The following PRR14L variants were observed in gnomAD, a reference collection of about 807,000 sequenced individuals.
PRR14L encodes the protein proline rich 14 like.
Under a neutral mutation model 155.0 loss-of-function variants are expected in PRR14L, and 80 were observed. The ratio of observed to expected loss-of-function variants is 0.52; its 90% confidence interval spans 0.43 to 0.62. The LOEUF (loss-of-function observed/expected upper bound fraction) is 0.62. Among genes scored for constraint, PRR14L ranks in the 20% least tolerant of loss-of-function variants. PRR14L has a pLI of 0.00. For synonymous variants in PRR14L, 883 were observed against 916.0 expected (o/e 0.96, Z 0.65); for missense variants, 2,469 against 2,548.0 (o/e 0.97, Z 0.67).
At position 31,684,524 on chromosome 22, in the gene PRR14L, A is replaced by G. The variant is rs1434060137; in HGVS notation, c.*1003T>C. 2.6e-5 allele frequency: 4 copies of G among 152,196 alleles called. No individual in the cohort carries two copies. Among genetic ancestry groups the G allele is most frequent in the Admixed American group, 1.3e-4 (2 of 15,268 alleles). 9.4% of individuals were successfully genotyped at this position (152,196 alleles called of 1,614,324 possible). A position where few individuals can be genotyped will look rare whatever the true frequency, so the allele number is the denominator to read the frequency against. On this transcript the variant is annotated 3_prime_UTR_variant, in exon 9 of 9. Coordinates refer to ENST00000327423, the MANE Select transcript of PRR14L (RefSeq NM_173566.3). ...CCATAGTAGTTTTTCAATGATCGGG[A>G]GAGAAACCTGCTCTTACTTAAATCA...
At position 31,716,796 on chromosome 22, in the gene PRR14L, T is replaced by C; in HGVS notation, c.1043A>G (p.Asp348Gly). The change falls in exon 4 of 9, where the codon GAC becomes GGC. Residue 348 changes from aspartate (D) to glycine (G), a missense_variant. Asp to Gly is a moderately conservative substitution (Grantham distance 94). Coordinates refer to ENST00000327423, the MANE Select transcript of PRR14L (RefSeq NM_173566.3). ...ENSEVSCFTS[D>G]LSGPESRTIS... ...TGTTCTGGATTCTGGACCAGACAAG[T>C]CTGATGTGAAACATGAAACTTCAGA... The C allele has an allele frequency of 6.4e-7, 1 of 1,551,876 alleles. No individual in the cohort carries two copies. The highest frequency in any genetic ancestry group is 8.7e-7 in the Non-Finnish European group (1 of 1,147,032).
chr22:31,712,779 G>T lies in PRR14L; in HGVS notation c.5060C>A (p.Pro1687His). 3.9e-6 allele frequency: 6 copies of T among 1,551,952 alleles called. No individual in the cohort carries two copies. The highest frequency in any genetic ancestry group is 3.5e-6 in the Non-Finnish European group (4 of 1,147,040). ...SGWDKRPNSK[P>H]MALYSLESIK... ...GGATTCGAGAGAATAAAGTGCCATG[G>T]GCTTACTGTTAGGCCTCTTATCCCA... The change falls in exon 4 of 9, where the codon CCC (proline) becomes CAC (histidine). Residue 1687 changes from proline to histidine, a missense_variant. Transcript: ENST00000327423.
At chr22:31,725,994 T>G (rs561585874) in intron 2 of PRR14L, among the ~76,000 whole-genome samples, 281 of 152,124 alleles carry the variant, frequency 1.8e-3, no homozygotes, top group Non-Finnish European at 3.2e-3. Context: ...TTGAGAGACT[T>G]CTTTATGACT....
At chr22:31,727,530 CG>C (rs1193952467) in intron 2 of PRR14L, among the ~76,000 whole-genome samples, 3 of 151,926 alleles carry the variant, frequency 2.0e-5, no homozygotes, top group African/African-American at 7.3e-5. Context: ...CCACCATGCG[CG>C]GCTGATTAGC....
In PRR14L at chr22:31,712,594, A is replaced by C. The variant is rs1454949106; in HGVS notation, c.5245T>G (p.Leu1749Val). 8.4e-6 allele frequency: 13 copies of C among 1,551,602 alleles called. No homozygotes were observed. The Admixed American group carries it at 2.6e-4, about 30-fold the overall frequency. Reference sequence around the variant, plus strand: ...GACGGGCACTGGAGGGCCTCTCCTAAGGCAAGCCTTGCCGGAGCACAGTGC... The same window carrying C: ...GACGGGCACTGGAGGGCCTCTCCTACGGCAAGCCTTGCCGGAGCACAGTGC... Reference protein sequence around the residue: ...PEHCAPARLALGEALQCPSQP... With the variant: ...PEHCAPARLAVGEALQCPSQP... Residue 1749 changes from leucine (L) to valine (V), a missense_variant, in exon 4 of 9, where the codon TTA becomes GTA. Coordinates refer to ENST00000327423, the MANE Select transcript of PRR14L (RefSeq NM_173566.3).
At chr22:31,705,663 C>T (rs62240685) in intron 4 of PRR14L, among the ~76,000 whole-genome samples, 6,609 of 152,090 alleles carry the variant, frequency 0.043, 123 homozygotes, top group Non-Finnish European at 0.05. Flanking sequence ...TGAGCCACCG[C>T]GCCTGGCCCA....
In PRR14L at chr22:31,737,165, G is replaced by T. The variant is rs1019950763; in HGVS notation, c.474+1222C>A. Among the ~76,000 whole-genome samples, 18 of 151,990 alleles carry T rather than the reference G, an allele frequency of 1.2e-4. 1 individual carries two copies. The highest frequency in any genetic ancestry group is 1.1e-3 in the Admixed American group (17 of 15,220). On this transcript the variant is annotated intron_variant, in intron 2 of 8. Transcript: ENST00000327423. The stretch of plus-strand genomic sequence containing the variant: ...ACCACCCTGTGGAGAGAGTCCGCTG[G>T]ACAGGTACATTCCTTTAAGAATTTG...
chr22:31,697,234 G>A (rs906970921), intron 7 of PRR14L, among the ~76,000 whole-genome samples: 1 of 151,434 alleles, frequency 6.6e-6, no homozygotes, highest in Non-Finnish European at 1.5e-5. Context: ...CCCAGGAGGT[G>A]GAGGTTGCAG....
At chr22:31,698,063 T>TA (rs1173198990) in intron 7 of PRR14L, among the ~76,000 whole-genome samples, 1 of 151,584 alleles carries the variant, frequency 6.6e-6, no homozygotes, top group African/African-American at 2.4e-5. Context: ...TGTAATTCTT[T>TA]TTTTTTTTTG....
At chr22:31,736,386 C>CAAA (rs551156311) in intron 2 of PRR14L, among the ~76,000 whole-genome samples, 11 of 75,378 alleles carry the variant, frequency 1.5e-4, no homozygotes, top group Non-Finnish European at 3.0e-4. Flanking sequence ...AACTCTGTCT[C>CAAA]AAAAAAAAAA....
At chr22:31,739,413 G>A (rs1569500948) in intron 1 of PRR14L, among the ~76,000 whole-genome samples, 2 of 152,208 alleles carry the variant, frequency 1.3e-5, no homozygotes, top group South Asian at 4.1e-4. Context: ...AGGGAGGATA[G>A]GGATAAAGTG....
intron 7 of PRR14L, among the ~76,000 whole-genome samples, chr22:31,701,310 C>A (rs1490919965): frequency 6.6e-6 from 1 of 152,114 alleles, no homozygotes; most frequent in Non-Finnish European, 1.5e-5. Context: ...TTAAGAAAAA[C>A]TAAACTTAGG....
At chr22:31,723,577 C>G (rs561941578) in intron 3 of PRR14L, among the ~76,000 whole-genome samples, 1 of 152,264 alleles carries the variant, frequency 6.6e-6, no homozygotes, top group South Asian at 2.1e-4. Flanking sequence ...TAGGGGCCCA[C>G]TAAACTGTAT....
At chr22:31,686,292 T>C (rs1354749411) in intron 8 of PRR14L, among the ~76,000 whole-genome samples, 5 of 148,686 alleles carry the variant, frequency 3.4e-5, no homozygotes, top group Non-Finnish European at 5.9e-5. Flanking sequence ...GTATTTTTAG[T>C]AGAGACAGGG....
Position 31,716,130 on chromosome 22 carries a change from T to G in PRR14L, c.1709A>C (p.Lys570Thr), listed in dbSNP as rs1429028010. ...ASCNDFLFER[K>T]SIVSLMPEDQ... ...CTCTGGCATTAAACTCACAATGGAT[T>G]TTCTTTCAAACAGAAAATCATTACA... Residue 570 changes from lysine (K) to threonine (T), a missense_variant, in exon 4 of 9, where the codon AAA (lysine) becomes ACA (threonine). Coordinates refer to ENST00000327423, the MANE Select transcript of PRR14L (RefSeq NM_173566.3). The G allele has an allele frequency of 1.3e-6, 2 of 1,551,330 alleles. No individual in the cohort carries two copies. The highest frequency in any genetic ancestry group is 1.7e-6 in the Non-Finnish European group (2 of 1,146,900).
chr22:31,707,836 A>G (rs1468643458), intron 4 of PRR14L, among the ~76,000 whole-genome samples: 1 of 152,204 alleles, frequency 6.6e-6, no homozygotes. Flanking sequence ...GGCTGTCTTT[A>G]TAATAAGAGA....
At chr22:31,727,021 G>A (rs929186992) in intron 2 of PRR14L, among the ~76,000 whole-genome samples, 1 of 152,108 alleles carries the variant, frequency 6.6e-6, no homozygotes, top group African/African-American at 2.4e-5. Flanking sequence ...GACAGCACAG[G>A]CCAGTGACAT....
rs779827894 is a variant in PRR14L, at chr22:31,704,646, T to C, written c.5828+9A>G. 2.5e-6 allele frequency: 4 copies of C among 1,612,660 alleles called. No homozygotes were observed. The highest frequency in any genetic ancestry group is 2.5e-6 in the Non-Finnish European group (3 of 1,178,792). On this transcript the variant is annotated intron_variant, in intron 5 of 8. Transcript: ENST00000327423. ...ACGCGCACACACACGCTGAGTCTCA[T>C]GTGCTTACCTCGTCTGACTGCCGCT...
chr22:31,712,737 A>T lies in PRR14L; in HGVS notation c.5102T>A (p.Ile1701Lys), dbSNP rs774746684. 1.3e-6 allele frequency: 2 copies of T among 1,551,680 alleles called. No individual in the cohort carries two copies. The highest frequency in any genetic ancestry group is 2.7e-5 in the African/African-American group (2 of 73,058). ...GGACGGCATCTTGTTGCTCAAATCT[A>T]TGAAGGTCATCTTGATGGATTCGAG... ...YSLESIKMTF[I>K]DLSNKMPSLL... The change falls in exon 4 of 9, where the codon ATA becomes AAA. Residue 1701 changes from isoleucine (I) to lysine (K), a missense_variant. Ile to Lys is a moderately radical substitution (Grantham distance 102). This residue lies in a region of PRR14L where 2,363 missense variants were observed against 2,371.6 expected (regional missense o/e 1.00). Coordinates refer to ENST00000327423, the MANE Select transcript of PRR14L (RefSeq NM_173566.3).
Sources: allele counts gnomAD v4.1 joint callset (sites outside exome capture counted in the v4.1 genomes callset), GRCh38; gene constraint gnomAD v4.1.1; regional missense constraint gnomAD v4.1.1; transcripts MANE v1.5; gene names NCBI Gene and HGNC (gene_info 2026-07-23, HGNC 2026-07-21).